The following SNAP91 variants were observed in gnomAD, a reference collection of about 807,000 sequenced individuals.
SNAP91 encodes the protein synaptosome associated protein 91.
Under a neutral mutation model 100.3 loss-of-function variants are expected in SNAP91, and 27 were observed. That is an observed-to-expected ratio of 0.27 (90% confidence interval 0.20 to 0.37). SNAP91 has a LOEUF of 0.37. SNAP91 is among the 10% of genes least tolerant of loss of function. SNAP91 has a pLI of 1.00. For synonymous variants in SNAP91, 404 were observed against 398.6 expected (o/e 1.01, Z -0.16); for missense variants, 986 against 1,123.7 (o/e 0.88, Z 1.75).
chr6:83,612,458 C>T (rs1415937160), intron 11 of SNAP91, among the ~76,000 whole-genome samples: 1 of 152,128 alleles, frequency 6.6e-6, no homozygotes, highest in Non-Finnish European at 1.5e-5. Flanking sequence ...ACAAAGAAAA[C>T]ATAGAAGCCT....
At chr6:83,593,451 A>C (rs201903195) in intron 18 of SNAP91, 27 bp downstream of exon 18, 691 of 1,547,080 alleles carry the variant, frequency 4.5e-4, no homozygotes, top group Non-Finnish European at 5.7e-4. Flanking sequence ...AGACGGAAAG[A>C]GGTCGACAAC....
At position 83,582,371 on chromosome 6, in the gene SNAP91, CA is replaced by C. The variant is rs1194112152; in HGVS notation, c.2015-16del. 7 of 1,597,310 alleles carry C rather than the reference CA, an allele frequency of 4.4e-6. No homozygotes were observed. Among genetic ancestry groups the C allele is most frequent in the Admixed American group, 1.7e-5 (1 of 58,232 alleles). On this transcript the variant is annotated splice_polypyrimidine_tract_variant and intron_variant, in intron 22 of 29. Transcript: ENST00000369694. ...ACCCCCAAATCCTGAAAAAAAGTTC[CA>C]AAAAAACAAGCAGAAATAACATAAA...
intron 11 of SNAP91, among the ~76,000 whole-genome samples, chr6:83,611,684 T>C (rs1048229779): frequency 6.6e-6 from 1 of 151,634 alleles, no homozygotes; most frequent in Non-Finnish European, 1.5e-5. Context: ...CAGTATTATA[T>C]GCCAAGTTAA....
chr6:83,700,839 C>G (rs2099287556), intron 2 of SNAP91, among the ~76,000 whole-genome samples: 1 of 152,106 alleles, frequency 6.6e-6, no homozygotes, highest in Non-Finnish European at 1.5e-5. Flanking sequence ...CTAAACTGAT[C>G]CTCCTGCCTT....
At chr6:83,603,346 G>C (rs1272372321) in intron 14 of SNAP91, among the ~76,000 whole-genome samples, 2 of 151,994 alleles carry the variant, frequency 1.3e-5, no homozygotes, top group African/African-American at 4.8e-5. Context: ...ATGTGAACAA[G>C]CCCCATTTTG....
At chr6:83,588,017 T>C (rs886794474) in intron 22 of SNAP91, among the ~76,000 whole-genome samples, 6 of 152,028 alleles carry the variant, frequency 3.9e-5, no homozygotes, top group East Asian at 1.9e-4. Flanking sequence ...CAGTAGAGAT[T>C]AGGGTTTCAC....
intron 16 of SNAP91, among the ~76,000 whole-genome samples, chr6:83,598,721 C>T (rs758416600): frequency 2.0e-5 from 3 of 151,886 alleles, no homozygotes; most frequent in Non-Finnish European, 4.4e-5. Flanking sequence ...TAAAAAATGG[C>T]CACACAAAAT....
intron 2 of SNAP91, among the ~76,000 whole-genome samples, chr6:83,670,244 CTTTTTT>C (rs34522653): frequency 7.1e-6 from 1 of 140,722 alleles, no homozygotes; most frequent in Non-Finnish European, 1.5e-5. Flanking sequence ...TGATATGGTC[CTTTTTT>C]TTTTTTTTCT....
At chr6:83,695,286 A>G (rs2099188488) in intron 2 of SNAP91, among the ~76,000 whole-genome samples, 1 of 149,710 alleles carries the variant, frequency 6.7e-6, no homozygotes, top group Non-Finnish European at 1.5e-5. Context: ...CAAAAAAAAA[A>G]AAAAAAAAAA....
chr6:83,666,120 G>T (rs902266031), intron 2 of SNAP91, among the ~76,000 whole-genome samples: 12 of 152,080 alleles, frequency 7.9e-5, no homozygotes, highest in Non-Finnish European at 1.3e-4. Context: ...TTGTACACAT[G>T]TAAGCTTTTG....
intron 2 of SNAP91, among the ~76,000 whole-genome samples, chr6:83,678,599 T>C (rs1160497271): frequency 6.6e-6 from 1 of 152,202 alleles, no homozygotes; most frequent in Non-Finnish European, 1.5e-5. Flanking sequence ...TTTTCTCCTT[T>C]GCTGTATCTA....
At chr6:83,594,522 A>C in intron 16 of SNAP91, 41 bp from the exon 17 acceptor site, 1 of 1,173,166 alleles carries the variant, frequency 8.5e-7, no homozygotes, top group African/African-American at 1.6e-5. Flanking sequence ...TAAAAGAATA[A>C]AAAGAGAAGA....
intron 16 of SNAP91, among the ~76,000 whole-genome samples, chr6:83,595,507 T>C (rs1333596535): frequency 2.6e-5 from 4 of 152,150 alleles, no homozygotes; most frequent in Non-Finnish European, 5.9e-5. Context: ...TAAGAAGTCT[T>C]TGAGCTTGCA....
chr6:83,645,847 A>C (rs968888666), intron 7 of SNAP91, among the ~76,000 whole-genome samples: 4 of 152,246 alleles, frequency 2.6e-5, no homozygotes, highest in African/African-American at 9.6e-5. Context: ...TAAGACCTCC[A>C]CTAAACACCA....
chr6:83,617,502 T>A (rs2096546827), intron 9 of SNAP91, among the ~76,000 whole-genome samples: 1 of 151,834 alleles, frequency 6.6e-6, no homozygotes, highest in Non-Finnish European at 1.5e-5. Flanking sequence ...ACCATTTAAA[T>A]ATATTTTAAA....
chr6:83,650,449 C>T (rs1040537569), intron 7 of SNAP91, among the ~76,000 whole-genome samples: 3 of 152,016 alleles, frequency 2.0e-5, no homozygotes, highest in African/African-American at 7.2e-5. Flanking sequence ...GATGGAGTCT[C>T]ACTCTGTTGC....
At position 83,656,858 on chromosome 6, in the gene SNAP91, G is replaced by C. The variant is rs2098417771; in HGVS notation, c.554C>G (p.Pro185Arg). Reference protein sequence around the residue: ...IDALLEFDVHPNELTNGVINA... With the variant: ...IDALLEFDVHRNELTNGVINA... ...TATGACACCATTTGTTAGTTCATTT[G>C]GATGCACCTAGAAAAACAGAAAAAT... The change falls in exon 7 of 30, where the codon CCA becomes CGA. Residue 185 changes from proline (P) to arginine (R), a missense_variant. Coordinates refer to ENST00000369694, the MANE Select transcript of SNAP91 (RefSeq NM_001242792.2). The C allele has an allele frequency of 6.4e-7, 1 of 1,559,478 alleles. No homozygotes were observed. Among genetic ancestry groups the C allele is most frequent in the South Asian group, 1.2e-5 (1 of 85,738 alleles).
At chr6:83,597,387 T>C (rs1027816398) in intron 16 of SNAP91, among the ~76,000 whole-genome samples, 1 of 152,238 alleles carries the variant, frequency 6.6e-6, no homozygotes, top group Non-Finnish European at 1.5e-5. Context: ...ATCTAGTTTT[T>C]TTCATTATAA....
chr6:83,581,465 G>T (rs1828383210), intron 23 of SNAP91, among the ~76,000 whole-genome samples: 1 of 152,164 alleles, frequency 6.6e-6, no homozygotes, highest in African/African-American at 2.4e-5. Flanking sequence ...CAGACACATA[G>T]CATTTGCATA....
Sources: gnomAD v4.1 joint callset for allele counts (sites outside exome capture counted in the v4.1 genomes callset) on GRCh38, gnomAD v4.1.1 for gene constraint, MANE v1.5 for transcripts, NCBI Gene and HGNC (gene_info 2026-07-23, HGNC 2026-07-21) for gene names.